Variants in NQO1 observed in about 807,000 individuals in gnomAD.
The protein encoded by NQO1 is NAD(P)H dehydrogenase [quinone] 1.
NQO1 carries 30 observed loss-of-function variants against 32.1 expected under a neutral mutation model. That is an observed-to-expected ratio of 0.94 (90% CI 0.70 to 1.27). The LOEUF is 1.27. Among genes scored for constraint, NQO1 ranks in the 50% most tolerant of loss-of-function variants. The pLI, the probability that NQO1 is intolerant of heterozygous loss-of-function variation, is 0.00. For synonymous variants in NQO1, 109 were observed against 119.7 expected, an observed-to-expected ratio of 0.91 and a Z score of 0.59; for missense variants, 276 against 331.3, an observed-to-expected ratio of 0.83 and a Z score of 1.30.
chr16:69,721,047 T>TG (rs1344609235), intron 1 of NQO1, among the ~76,000 whole-genome samples: 1 of 151,078 alleles, frequency 6.6e-6, no homozygotes, highest in African/African-American at 2.4e-5. Flanking sequence ...CACCTAATTT[T>TG]TTTTTTTTTT....
At position 69,717,607 on chromosome 16, in the gene NQO1, C is replaced by CTT. The variant is rs937696085; in HGVS notation, c.303+514_303+515dup. On this transcript the variant is annotated intron_variant, in intron 3 of 5. Transcript: ENST00000320623. ...TCTCTGCAGCTGCATTTCTTTCTTT[C>CTT]TTTTTTTTTTTTTTTTGAGACAGAA... Among the ~76,000 whole-genome samples, 248 of 138,884 alleles carry CTT rather than the reference C, an allele frequency of 1.8e-3. 2 individuals carry two copies. The highest frequency in any genetic ancestry group is 6.1e-3 in the African/African-American group (233 of 38,282). The allele number at this position is 138,884 out of a possible 152,430, so 91.1% of individuals were successfully genotyped here.
intron 1 of NQO1, among the ~76,000 whole-genome samples, chr16:69,723,652 AT>A (rs2038222725): frequency 6.6e-6 from 1 of 151,078 alleles, no homozygotes; most frequent in Admixed American, 6.6e-5. Flanking sequence ...ACAAAAAAAA[AT>A]TAACCAGGTG....
chr16:69,721,328 G>A (rs1341110575), intron 1 of NQO1, among the ~76,000 whole-genome samples: 1 of 152,146 alleles, frequency 6.6e-6, no homozygotes, highest in African/African-American at 2.4e-5. Flanking sequence ...CCTTCCTCAT[G>A]AGTGGGATTA....
Position 69,718,135 on chromosome 16 carries a change from A to G in NQO1, c.291T>C (p.Leu97=). 6.2e-7 allele frequency: 1 copy of G among 1,614,004 alleles called. No homozygotes were observed. Among genetic ancestry groups the G allele is most frequent in the Non-Finnish European group, 8.5e-7 (1 of 1,179,884 alleles). Residue 97 remains leucine (L), a synonymous_variant, in exon 3 of 6, where the codon CTT becomes CTC. Transcript: ENST00000320623. The part of the protein sequence containing the change: ...AEQKKLEAAD[L]VIFQFPLQWF... ...TGTCCCCCCATACCTGGAATATCAC[A>G]AGGTCTGCGGCTTCCAGCTTCTTTT...
chr16:69,719,589 C>T (rs886882037), intron 1 of NQO1, among the ~76,000 whole-genome samples: 1 of 151,518 alleles, frequency 6.6e-6, no homozygotes, highest in Non-Finnish European at 1.5e-5. Flanking sequence ...TCCTGGCCAA[C>T]ATGGTGAAAC....
intron 5 of NQO1, among the ~76,000 whole-genome samples, chr16:69,712,587 C>G (rs374830679): frequency 2.0e-5 from 3 of 152,180 alleles, no homozygotes; most frequent in African/African-American, 7.2e-5. Flanking sequence ...AAAGGAGGCT[C>G]CCATCATTCT....
chr16:69,721,831 CAAAAAAAA>C (rs11325347), intron 1 of NQO1, among the ~76,000 whole-genome samples: 3 of 97,136 alleles, frequency 3.1e-5, no homozygotes, highest in Non-Finnish European at 4.1e-5. Context: ...CCGTTTCTAC[CAAAAAAAA>C]AAAAAAAAAA....
chr16:69,718,118 C>A lies in NQO1; in HGVS notation c.303+5G>T. 1 of 1,613,964 alleles carries A rather than the reference C, an allele frequency of 6.2e-7. No homozygotes were observed. The highest frequency in any genetic ancestry group is 1.3e-5 in the African/African-American group (1 of 75,042). On this transcript the variant is annotated splice_donor_5th_base_variant and intron_variant, in intron 3 of 5. Transcript: ENST00000320623. Reference sequence around the variant, plus strand: ...CCTGACACCCCTTCCGATGTCCCCCCATACCTGGAATATCACAAGGTCTGC... The same window carrying A: ...CCTGACACCCCTTCCGATGTCCCCCAATACCTGGAATATCACAAGGTCTGC...
At chr16:69,711,670 T>C (rs2038043312) in intron 5 of NQO1, among the ~76,000 whole-genome samples, 1 of 151,410 alleles carries the variant, frequency 6.6e-6, no homozygotes, top group African/African-American at 2.4e-5. Flanking sequence ...TTTTTTTTTT[T>C]TGAGGCAGAG....
At position 69,711,110 on chromosome 16, in the gene NQO1, G is replaced by A. The variant is rs1183009267; in HGVS notation, c.691C>T (p.Leu231=). 1.2e-6 allele frequency: 2 copies of A among 1,614,158 alleles called. No homozygotes were observed. Among genetic ancestry groups the A allele is most frequent in the Non-Finnish European group, 8.5e-7 (1 of 1,180,030 alleles). ...ATTAAGAATCCTGCCTGGAAGTTTA[G>A]GTCAAAGAGGCTGCTTGGAGCAAAA... is the stretch of plus-strand genomic sequence containing the variant. ...LYFAPSSLFD[L]NFQAGFLMKK... The change falls in exon 6 of 6, where the codon CTA becomes TTA. Residue 231 remains leucine (L), a synonymous_variant. Transcript: ENST00000320623.
intron 3 of NQO1, 66 bp downstream of exon 3, chr16:69,718,057 T>A: frequency 6.3e-7 from 1 of 1,588,572 alleles, no homozygotes; most frequent in Non-Finnish European, 8.6e-7. Context: ...CATAGCTAAT[T>A]AGGTACATGT....
chr16:69,712,633 A>G (rs182580319), intron 5 of NQO1, among the ~76,000 whole-genome samples: 1 of 152,280 alleles, frequency 6.6e-6, no homozygotes, highest in Admixed American at 6.5e-5. Flanking sequence ...ACAACTCAAG[A>G]TCTATTTTCA....
At chr16:69,717,270 G>C (rs1418654394) in intron 3 of NQO1, among the ~76,000 whole-genome samples, 1 of 152,172 alleles carries the variant, frequency 6.6e-6, no homozygotes, top group Non-Finnish European at 1.5e-5. Flanking sequence ...TCCCAGCATT[G>C]TCTGCTAAAC....
At position 69,710,798 on chromosome 16, in the gene NQO1, G is replaced by T; in HGVS notation, c.*178C>A. 1.4e-6 allele frequency: 1 copy of T among 712,620 alleles called. No homozygotes were observed. The highest frequency in any genetic ancestry group is 2.2e-6 in the Non-Finnish European group (1 of 447,068). The allele number at this position is 712,620 out of a possible 1,614,324, so 44.1% of individuals were successfully genotyped here. The stretch of plus-strand genomic sequence containing the variant: ...CGGATTTTGGTTATATGCCATGATA[G>T]TAATCATAAGAATCAGTTAAAAATG... On this transcript the variant is annotated 3_prime_UTR_variant, in exon 6 of 6. Coordinates refer to ENST00000320623, the MANE Select transcript of NQO1 (RefSeq NM_000903.3).
At chr16:69,719,865 C>G (rs1046744015) in intron 1 of NQO1, among the ~76,000 whole-genome samples, 2 of 152,028 alleles carry the variant, frequency 1.3e-5, no homozygotes, top group Non-Finnish European at 2.9e-5. Context: ...TGTAATCCAG[C>G]TACTTGGAAG....
chr16:69,710,951 A>C lies in NQO1; in HGVS notation c.*25T>G, dbSNP rs780383660. The C allele has an allele frequency of 4.5e-5, 72 of 1,593,284 alleles. 3 individuals are homozygous for C. Among genetic ancestry groups the C allele is most frequent in the East Asian group, 1.6e-4 (7 of 44,596 alleles). Reference sequence around the variant, plus strand: ...AGATACCCAGATTTGATAACATGTTAGAAGGAAATCCAGGCTAAGGAATCT... The same window carrying C: ...AGATACCCAGATTTGATAACATGTTCGAAGGAAATCCAGGCTAAGGAATCT... On this transcript the variant is annotated 3_prime_UTR_variant, in exon 6 of 6. Transcript: ENST00000320623.
intron 5 of NQO1, among the ~76,000 whole-genome samples, chr16:69,711,712 G>A (rs1358739295): frequency 3.3e-5 from 5 of 149,346 alleles, no homozygotes; most frequent in African/African-American, 1.2e-4. Context: ...GGAGTGCCAT[G>A]GCACGATCTC....
intron 3 of NQO1, 145 bp from the exon 4 acceptor site, chr16:69,715,222 C>T (rs2038098213): frequency 3.2e-6 from 2 of 633,460 alleles, no homozygotes; most frequent in Non-Finnish European, 5.7e-6. Context: ...GGAGTTAGCA[C>T]TTTAAGGAAA....
intron 1 of NQO1, among the ~76,000 whole-genome samples, chr16:69,725,978 TC>T (rs2038256261): frequency 6.6e-6 from 1 of 152,212 alleles, no homozygotes; most frequent in Non-Finnish European, 1.5e-5. Flanking sequence ...TCCACTCCTG[TC>T]CACCAATCGC....
Sources: gnomAD v4.1 joint callset for allele counts (sites outside exome capture counted in the v4.1 genomes callset) on GRCh38, gnomAD v4.1.1 for gene constraint, MANE v1.5 for transcripts, NCBI Gene and HGNC (gene_info 2026-07-23, HGNC 2026-07-21) for gene names.